HABP2: variants seen among roughly 807,000 people sequenced by gnomAD.
HABP2 encodes hyaluronan binding protein 2, also known as factor VII-activating protease.
HABP2 carries 65 observed loss-of-function variants against 66.5 expected under a neutral mutation model. That is an observed-to-expected ratio of 0.98 (90% CI 0.80 to 1.20). HABP2 has a LOEUF of 1.20. Among genes scored for constraint, HABP2 ranks in the 50% most tolerant of loss-of-function variants. The probability of loss-of-function intolerance (pLI) is 0.00; values close to 1 mark genes in which losing one functional copy is unlikely to be tolerated. For synonymous variants in HABP2, 263 were observed against 253.9 expected, an observed-to-expected ratio of 1.04 and a Z score of -0.34; for missense variants, 786 against 691.0, an observed-to-expected ratio of 1.14 and a Z score of -1.54.
chr10:113,588,320 A>G lies in HABP2; in HGVS notation c.1634A>G (p.Lys545Arg). 6.2e-7 allele frequency: 1 copy of G among 1,613,734 alleles called. No individual in the cohort carries two copies. Among genetic ancestry groups the G allele is most frequent in the Non-Finnish European group, 8.5e-7 (1 of 1,179,790 alleles). ...CCAGGGGTCTACACCCAAGTTACCA[A>G]ATTCCTGAATTGGATCAAAGCCACC... ...KRPGVYTQVT[K>R]FLNWIKATIK... Residue 545 changes from lysine (K) to arginine (R), a missense_variant, in exon 13 of 13, where the codon AAA (lysine) becomes AGA (arginine). Physicochemically the swap from Lys to Arg is conservative, Grantham distance 26. Transcript: ENST00000351270.
intron 9 of HABP2, among the ~76,000 whole-genome samples, chr10:113,582,846 T>G (rs115994572): frequency 6.6e-6 from 1 of 152,188 alleles, no homozygotes; most frequent in African/African-American, 2.4e-5. Flanking sequence ...GTTCACCTTA[T>G]AGTAAATGAT....
In HABP2 at chr10:113,553,151, T is replaced by C. The variant is rs1844927902; in HGVS notation, c.30T>C (p.Val10=). The change falls in exon 1 of 13, where the codon GTT becomes GTC. Residue 10 remains valine, a synonymous_variant. Coordinates refer to ENST00000351270, the MANE Select transcript of HABP2 (RefSeq NM_004132.5). ...TTGCCAGGATGTCTGATCTCCATGT[T>C]CTGCTGTTAATGGCTCTGGTGGGAA... MFARMSDLH[V]LLLMALVGKT... is the part of the protein sequence containing the mutation. 6.2e-7 allele frequency: 1 copy of C among 1,613,692 alleles called. No homozygotes were observed. Among genetic ancestry groups the C allele is most frequent in the Non-Finnish European group, 8.5e-7 (1 of 1,179,684 alleles).
intron 1 of HABP2, 98 bp from the exon 2 acceptor site, chr10:113,567,391 A>G: frequency 1.1e-6 from 1 of 885,808 alleles, no homozygotes; most frequent in Non-Finnish European, 1.9e-6. Context: ...CACGCAGTGC[A>G]CCTGCACCCC....
chr10:113,571,344 C>T (rs1375314505), intron 2 of HABP2, among the ~76,000 whole-genome samples: 1 of 152,172 alleles, frequency 6.6e-6, no homozygotes, highest in African/African-American at 2.4e-5. Context: ...AGCCGTTGTC[C>T]ACATGTTCTC....
At chr10:113,562,174 C>G (rs1845111509) in intron 1 of HABP2, among the ~76,000 whole-genome samples, 1 of 152,216 alleles carries the variant, frequency 6.6e-6, no homozygotes, top group Non-Finnish European at 1.5e-5. Context: ...TTACCATGTG[C>G]AGAAGCAGCA....
In HABP2 at chr10:113,583,328, G is replaced by A. The variant is rs775511242; in HGVS notation, c.1207G>A (p.Glu403Lys). The change falls in exon 10 of 13, where the codon GAA becomes AAA. Residue 403 changes from glutamate (E) to lysine (K), a missense_variant. Transcript: ENST00000351270. ...GATATTCAAGTACAGCCACTACAATGAAAGAGATGAGATTCCCCACAATGA... is the reference window on the plus strand; with the variant it reads ...GATATTCAAGTACAGCCACTACAATAAAAGAGATGAGATTCCCCACAATGA... ...EKIFKYSHYN[E>K]RDEIPHNDIA... The A allele has an allele frequency of 1.9e-6, 3 of 1,612,942 alleles. No homozygotes were observed. The South Asian group carries it at 3.3e-5, about 18-fold the overall frequency.
Position 113,588,147 on chromosome 10 carries a change from G to A in HABP2, c.1519-58G>A, listed in dbSNP as rs552743229. 6.4e-6 allele frequency: 9 copies of A among 1,409,050 alleles called. No homozygotes were observed. In the African/African-American group the frequency reaches 1.1e-4, roughly 18 times the overall value. 87.3% of individuals were successfully genotyped at this position (1,409,050 alleles called of 1,614,324 possible). ...CCTGACACCCCCTGGAGAGAGGTGG[G>A]GGCATCTCCAGATGTCTCTGGTTCA... On this transcript the variant is annotated intron_variant, in intron 12 of 12. Coordinates refer to ENST00000351270, the MANE Select transcript of HABP2 (RefSeq NM_004132.5).
chr10:113,561,888 A>T (rs1343371245), intron 1 of HABP2, among the ~76,000 whole-genome samples: 1 of 152,140 alleles, frequency 6.6e-6, no homozygotes, highest in Non-Finnish European at 1.5e-5. Flanking sequence ...ATGTATGTGC[A>T]CCCCACCCAC....
At chr10:113,555,910 T>C (rs576433235) in intron 1 of HABP2, among the ~76,000 whole-genome samples, 1 of 152,288 alleles carries the variant, frequency 6.6e-6, no homozygotes, top group Admixed American at 6.5e-5. Context: ...GCTAGGATTC[T>C]TAGAGTGATT....
At position 113,585,927 on chromosome 10, in the gene HABP2, G is replaced by A. The variant is rs755299839; in HGVS notation, c.1507G>A (p.Asp503Asn). Reference sequence around the variant, plus strand: ...AGGAAATCTTCAGAAACCTGGGCAAGACACCTGCCAGGTCAGAGACTCCAA... The same window carrying A: ...AGGAAATCTTCAGAAACCTGGGCAAAACACCTGCCAGGTCAGAGACTCCAA... Reference protein sequence around the residue: ...CAGNLQKPGQDTCQGDSGGPL... With the variant: ...CAGNLQKPGQNTCQGDSGGPL... Residue 503 changes from aspartate to asparagine, a missense_variant, in exon 12 of 13, where the codon GAC becomes AAC. Asp to Asn is a conservative substitution (Grantham distance 23). Transcript: ENST00000351270. 13 of 1,613,966 alleles carry A rather than the reference G, an allele frequency of 8.1e-6. No individual in the cohort carries two copies. In the Admixed American group the frequency reaches 2.2e-4, roughly 27 times the overall value.
At chr10:113,573,791 T>G (rs1845356209) in intron 2 of HABP2, among the ~76,000 whole-genome samples, 1 of 152,230 alleles carries the variant, frequency 6.6e-6, no homozygotes, top group African/African-American at 2.4e-5. Flanking sequence ...ATGATGAGTT[T>G]TCTTTGATTT....
rs3900676 is a variant in HABP2, at chr10:113,567,726, T to C, written c.106+201T>C. Among the ~76,000 whole-genome samples the C allele has an allele frequency of 0.32, 47,944 of 151,952 alleles. 7,868 individuals carry two copies. Among genetic ancestry groups the C allele is most frequent in the Non-Finnish European group, 0.38 (25,781 of 67,912 alleles). On this transcript the variant is annotated intron_variant, in intron 2 of 12. Transcript: ENST00000351270. ...ACAATTTTGAGTTTCCTGTGGACAC[T>C]GATGAGCCCAGGCTCAGGATCCCAA...
At chr10:113,557,677 T>C (rs1845023524) in intron 1 of HABP2, among the ~76,000 whole-genome samples, 1 of 152,222 alleles carries the variant, frequency 6.6e-6, no homozygotes, top group South Asian at 2.1e-4. Context: ...TTCTCCTTAG[T>C]CGGCTCTTCC....
intron 2 of HABP2, among the ~76,000 whole-genome samples, chr10:113,572,392 C>T (rs1228791290): frequency 6.6e-6 from 1 of 152,186 alleles, no homozygotes; most frequent in Non-Finnish European, 1.5e-5. Flanking sequence ...TCTTAATGGC[C>T]TTGCCAAGAT....
At chr10:113,588,117 C>T in intron 12 of HABP2, 88 bp from the exon 13 acceptor site, 1 of 1,127,058 alleles carries the variant, frequency 8.9e-7, no homozygotes, top group South Asian at 1.8e-5. Flanking sequence ...TCCACCCCAT[C>T]CCTCCCTGAC....
Position 113,581,867 on chromosome 10 carries a change from G to A in HABP2, c.839-9G>A, listed in dbSNP as rs1485880511. 1 of 1,613,754 alleles carries A rather than the reference G, an allele frequency of 6.2e-7. No homozygotes were observed. The highest frequency in any genetic ancestry group is 1.1e-5 in the South Asian group (1 of 91,058). ...GAATAGCACAATTTATCTTTCTTGT[G>A]TCCCACAGACGTTGCCTACCCAGAG... On this transcript the variant is annotated splice_polypyrimidine_tract_variant and intron_variant, in intron 8 of 12. Coordinates refer to ENST00000351270, the MANE Select transcript of HABP2 (RefSeq NM_004132.5).
Position 113,588,246 on chromosome 10 carries a change from C to T in HABP2, c.1560C>T (p.Thr520=). The change falls in exon 13 of 13, where the codon ACC becomes ACT. Residue 520 remains threonine, a synonymous_variant. Coordinates refer to ENST00000351270, the MANE Select transcript of HABP2 (RefSeq NM_004132.5). The stretch of plus-strand genomic sequence containing the variant: ...CCCTGACCTGTGAGAAGGACGGCAC[C>T]TACTACGTCTATGGGATAGTGAGCT... ...GGPLTCEKDG[T]YYVYGIVSWG... is the part of the protein sequence containing the mutation. 1.2e-6 allele frequency: 2 copies of T among 1,613,304 alleles called. No individual in the cohort carries two copies. The highest frequency in any genetic ancestry group is 1.7e-6 in the Non-Finnish European group (2 of 1,179,546).
At chr10:113,587,722 C>A (rs11575786) in intron 12 of HABP2, among the ~76,000 whole-genome samples, 85 of 152,166 alleles carry the variant, frequency 5.6e-4, no homozygotes, top group African/African-American at 1.8e-3. Context: ...TCACAAGAAC[C>A]CTGGGGGATG....
At chr10:113,576,361 A>G (rs1845409186) in intron 4 of HABP2, among the ~76,000 whole-genome samples, 1 of 152,208 alleles carries the variant, frequency 6.6e-6, no homozygotes, top group Non-Finnish European at 1.5e-5. Context: ...CTCAGGGCAC[A>G]TGAGACCCAA....
Sources: allele counts gnomAD v4.1 joint callset (sites outside exome capture counted in the v4.1 genomes callset), GRCh38; gene constraint gnomAD v4.1.1; transcripts MANE v1.5; gene names NCBI Gene and HGNC (gene_info 2026-07-23, HGNC 2026-07-21).